CADM2: variants seen among roughly 807,000 people sequenced by gnomAD.
The protein encoded by CADM2 is cell adhesion molecule 2.
In CADM2, 12 loss-of-function variants were observed where a neutral mutation model predicts 49.8. That is an observed-to-expected ratio of 0.24 (90% CI 0.15 to 0.39). CADM2 has a LOEUF of 0.39. Ranked by LOEUF, CADM2 falls within the 10% of genes least tolerant of loss-of-function variation. The pLI is 1.00. For synonymous variants in CADM2, 214 were observed against 175.4 expected, an observed-to-expected ratio of 1.22 and a Z score of -1.74; for missense variants, 378 against 492.3, an observed-to-expected ratio of 0.77 and a Z score of 2.20.
intron 1 of CADM2, among the ~76,000 whole-genome samples, chr3:85,217,466 C>T (rs2041955400): frequency 6.6e-6 from 1 of 151,978 alleles, no homozygotes; most frequent in Admixed American, 6.5e-5. Context: ...ATTAGACCTA[C>T]AAACAATTTT....
At chr3:85,120,329 C>T (rs943576114) in intron 1 of CADM2, among the ~76,000 whole-genome samples, 1 of 152,150 alleles carries the variant, frequency 6.6e-6, no homozygotes, top group Non-Finnish European at 1.5e-5. Flanking sequence ...AATCCCACTA[C>T]TGGGTATATA....
intron 1 of CADM2, among the ~76,000 whole-genome samples, chr3:85,094,794 T>C (rs1279570400): frequency 6.6e-6 from 1 of 152,136 alleles, no homozygotes; most frequent in African/African-American, 2.4e-5. Flanking sequence ...TCCCTAGTGG[T>C]ACAAGGTTGG....
intron 2 of CADM2, among the ~76,000 whole-genome samples, chr3:85,733,519 G>A (rs934883803): frequency 2.6e-5 from 4 of 152,116 alleles, no homozygotes; most frequent in African/African-American, 9.7e-5. Flanking sequence ...AATGGAGAGA[G>A]AGTGTTATAT....
chr3:85,141,549 G>A (rs1480981628), intron 1 of CADM2, among the ~76,000 whole-genome samples: 1 of 151,930 alleles, frequency 6.6e-6, no homozygotes, highest in South Asian at 2.1e-4. Context: ...GATTCTCAAG[G>A]GTAAACCCTA....
At chr3:85,865,511 G>A (rs139324773) in intron 3 of CADM2, among the ~76,000 whole-genome samples, 128 of 152,262 alleles carry the variant, frequency 8.4e-4, no homozygotes, top group African/African-American at 2.6e-3. Flanking sequence ...GATGGAATGA[G>A]TGTTTATTAG....
intron 7 of CADM2, among the ~76,000 whole-genome samples, chr3:85,938,291 C>A (rs1721428447): frequency 6.6e-6 from 1 of 151,912 alleles, no homozygotes; most frequent in African/African-American, 2.4e-5. Flanking sequence ...ATTGGATTTT[C>A]CCAGAAGGAA....
intron 1 of CADM2, among the ~76,000 whole-genome samples, chr3:85,332,902 T>C (rs1021162412): frequency 6.6e-6 from 1 of 151,942 alleles, no homozygotes; most frequent in African/African-American, 2.4e-5. Context: ...TAAATATGTA[T>C]GAATTACAGG....
intron 8 of CADM2, chr3:86,012,587 C>G (rs1731671223): frequency 5.1e-6 from 8 of 1,568,844 alleles, no homozygotes; most frequent in Non-Finnish European, 6.9e-6. Flanking sequence ...CTGCCCCCAA[C>G]TGCACGCGAA....
Position 85,898,956 on chromosome 3 carries a change from T to TATATATATATATATATATATATATATA in CADM2, c.529+12629_529+12630insATATATATATATATATATATATATATA, listed in dbSNP as rs58838667. Among the ~76,000 whole-genome samples the TATATATATATATATATATATATATATA allele has an allele frequency of 1.3e-3, 28 of 21,894 alleles. 1 individual carries two copies. The highest frequency in any genetic ancestry group is 3.0e-3 in the East Asian group (2 of 658). 14.4% of individuals were successfully genotyped at this position (21,894 alleles called of 152,430 possible). A position where few individuals can be genotyped will look rare whatever the true frequency, so the allele number is the denominator to read the frequency against. ...TATTGTGTATATATATATATATATA[T>TATATATATATATATATATATATATATA]TTTTTTTTTTTTTTTTTTTTTTTTT... On this transcript the variant is annotated intron_variant, in intron 5 of 9. Transcript: ENST00000383699.
At chr3:85,771,130 G>T (rs2070062879) in intron 2 of CADM2, among the ~76,000 whole-genome samples, 1 of 152,094 alleles carries the variant, frequency 6.6e-6, no homozygotes, top group South Asian at 2.1e-4. Flanking sequence ...TGTGAGCCCT[G>T]AAAGTAAGCA....
intron 1 of CADM2, among the ~76,000 whole-genome samples, chr3:85,708,499 T>C (rs183564520): frequency 2.0e-4 from 31 of 152,288 alleles, no homozygotes; most frequent in African/African-American, 7.5e-4. Flanking sequence ...TTTGCTTGTT[T>C]TGTTTTGTAA....
intron 3 of CADM2, among the ~76,000 whole-genome samples, chr3:85,881,053 T>C (rs990810822): frequency 2.0e-5 from 3 of 151,900 alleles, no homozygotes; most frequent in South Asian, 4.1e-4. Context: ...GTCTCACAGG[T>C]CCCTGGGCCT....
intron 1 of CADM2, among the ~76,000 whole-genome samples, chr3:84,982,722 T>TATATAC (rs2032267223): frequency 7.9e-6 from 1 of 125,868 alleles, no homozygotes; most frequent in African/African-American, 2.8e-5. Context: ...TATATATATA[T>TATATAC]ATATATATAT....
intron 1 of CADM2, among the ~76,000 whole-genome samples, chr3:85,280,590 T>C (rs1274305574): frequency 6.6e-6 from 1 of 151,792 alleles, no homozygotes; most frequent in Non-Finnish European, 1.5e-5. Context: ...TCCACGTCTT[T>C]TCTGCGTTTT....
chr3:85,722,684 G>A (rs868200894), intron 1 of CADM2, among the ~76,000 whole-genome samples: 1 of 152,062 alleles, frequency 6.6e-6, no homozygotes, highest in African/African-American at 2.4e-5. Flanking sequence ...TATGACCCTT[G>A]TGTTATGACA....
At chr3:85,319,562 G>A (rs113767697) in intron 1 of CADM2, among the ~76,000 whole-genome samples, 4,497 of 152,244 alleles carry the variant, frequency 0.03, 237 homozygotes, top group African/African-American at 0.1. Context: ...ATCAATGGCA[G>A]ATCGGATAAA....
chr3:86,047,992 C>G (rs1159010314), intron 8 of CADM2, among the ~76,000 whole-genome samples: 2 of 152,074 alleles, frequency 1.3e-5, no homozygotes, highest in African/African-American at 4.8e-5. Context: ...TACATTCTAA[C>G]TTTTCAACTA....
At chr3:85,807,459 A>G (rs1286313715) in intron 3 of CADM2, among the ~76,000 whole-genome samples, 1 of 141,870 alleles carries the variant, frequency 7.0e-6, no homozygotes, top group Admixed American at 7.6e-5. Flanking sequence ...AGATTGTACC[A>G]TTGCTCTCCA....
At chr3:85,677,320 T>C (rs1375171612) in intron 1 of CADM2, among the ~76,000 whole-genome samples, 7 of 152,212 alleles carry the variant, frequency 4.6e-5, no homozygotes, top group Admixed American at 1.3e-4. Flanking sequence ...ATGTTATTTA[T>C]AGCATTCACT....
Sources: gnomAD v4.1 joint callset for allele counts (sites outside exome capture counted in the v4.1 genomes callset) on GRCh38, gnomAD v4.1.1 for gene constraint, MANE v1.5 for transcripts, NCBI Gene and HGNC (gene_info 2026-07-23, HGNC 2026-07-21) for gene names.